DNA2: variants seen among roughly 807,000 people sequenced by gnomAD.
DNA2 encodes DNA replication helicase/nuclease 2.
Under a neutral mutation model 119.1 loss-of-function variants are expected in DNA2, and 101 were observed. The ratio of observed to expected loss-of-function variants is 0.85; its 90% CI spans 0.72 to 1.00. DNA2 has a LOEUF of 1.00. Among genes scored for constraint, DNA2 ranks in the 50% least tolerant of loss-of-function variants. The pLI, the probability that DNA2 is intolerant of heterozygous loss-of-function variation, is 0.00. For missense variants in DNA2, 1,121 were observed against 1,255.5 expected, an observed-to-expected ratio of 0.89 and a Z score of 1.62; for synonymous variants, 366 against 424.4, an observed-to-expected ratio of 0.86 and a Z score of 1.69.
At chr10:68,434,673 G>A (rs1171339080) in intron 10 of DNA2, among the ~76,000 whole-genome samples, 1 of 151,938 alleles carries the variant, frequency 6.6e-6, no homozygotes, top group Non-Finnish European at 1.5e-5. Context: ...AAATATGTAT[G>A]TCTACACGCA....
At chr10:68,424,919 A>C (rs1405902650) in intron 14 of DNA2, 15 of 701,510 alleles carry the variant, frequency 2.1e-5, no homozygotes, top group Non-Finnish European at 4.0e-5. Context: ...AAATTATTGA[A>C]CACAAAGCCA....
chr10:68,472,108 A>G (rs529963062), upstream of DNA2: 19 of 1,511,548 alleles, frequency 1.3e-5, no homozygotes, highest in South Asian at 2.2e-4. Flanking sequence ...GACTGGGAAT[A>G]CAGGGAGTCT....
intron 6 of DNA2, among the ~76,000 whole-genome samples, chr10:68,447,879 G>C (rs1478857844): frequency 1.3e-5 from 2 of 151,626 alleles, no homozygotes; most frequent in African/African-American, 4.8e-5. Flanking sequence ...AGCTACTCGG[G>C]AGGCTGAGGC....
chr10:68,424,995 T>TA, intron 14 of DNA2: 1 of 559,218 alleles, frequency 1.8e-6, no homozygotes, highest in Non-Finnish European at 3.4e-6. Context: ...AATGCAGGAA[T>TA]AAATATAACC....
chr10:68,460,309 A>T (rs1329197070), intron 4 of DNA2, among the ~76,000 whole-genome samples: 1 of 151,922 alleles, frequency 6.6e-6, no homozygotes, highest in Non-Finnish European at 1.5e-5. Context: ...GGGTTTCACC[A>T]TGTTGGCCAG....
At chr10:68,468,359 T>A in intron 2 of DNA2, 53 bp from the exon 3 acceptor site, 3 of 1,223,446 alleles carry the variant, frequency 2.5e-6, no homozygotes, top group Non-Finnish European at 3.2e-6. Context: ...TTCCTACATG[T>A]AAACGTATTA....
Position 68,422,245 on chromosome 10 carries a change from A to G in DNA2, c.2677T>C (p.Cys893Arg). Reference sequence around the variant, plus strand: ...TTTACCTTGTCTGTATTAAGGAAACAAACAGGATTGTTGGGTTCAAATACT... The same window carrying G: ...TTTACCTTGTCTGTATTAAGGAAACGAACAGGATTGTTGGGTTCAAATACT... ...MGVFEPNNPV[C>R]FLNTDKVPAP... Residue 893 changes from cysteine (C) to arginine (R), a missense_variant, in exon 17 of 21, where the codon TGT becomes CGT. Cys to Arg is a radical substitution (Grantham distance 180). Transcript: ENST00000358410. The G allele has an allele frequency of 6.2e-7, 1 of 1,602,830 alleles. No homozygotes were observed. The highest frequency in any genetic ancestry group is 8.5e-7 in the Non-Finnish European group (1 of 1,176,174).
rs199878321 is a variant in DNA2, at chr10:68,450,247, C to A, written c.720G>T (p.Leu240=). ...STDFPQMQLS[L]PSDNSKDNST... ...AATTATCCTTACTATTATCACTTGG[C>A]CTGAAAAAAAAAAAAGCACAAAAAC... Residue 240 remains leucine, a splice_region_variant and synonymous_variant, in exon 6 of 21, where the codon CTG becomes CTT. Coordinates refer to ENST00000358410, the MANE Select transcript of DNA2 (RefSeq NM_001080449.3). The A allele has an allele frequency of 4.3e-4, 672 of 1,553,942 alleles. 8 individuals are homozygous for A. In the African/African-American group the frequency reaches 8.2e-3, roughly 19 times the overall value.
At chr10:68,453,558 T>C (rs138819182) in intron 5 of DNA2, among the ~76,000 whole-genome samples, 129 of 152,310 alleles carry the variant, frequency 8.5e-4, no homozygotes, top group African/African-American at 3.0e-3. Flanking sequence ...TTCGTCAACC[T>C]AGGATAGTGG....
intron 5 of DNA2, among the ~76,000 whole-genome samples, chr10:68,452,935 C>T (rs1358075532): frequency 1.3e-5 from 2 of 149,560 alleles, no homozygotes; most frequent in Non-Finnish European, 1.5e-5. Flanking sequence ...GAATCTCGCT[C>T]TGTCGCAGAG....
At chr10:68,415,971 A>G (rs2051583891) in intron 20 of DNA2, among the ~76,000 whole-genome samples, 1 of 152,128 alleles carries the variant, frequency 6.6e-6, no homozygotes, top group Admixed American at 6.6e-5. Flanking sequence ...TTAAAAAACG[A>G]TTTATCTTAA....
At chr10:68,426,428 C>T (rs2051741956) in intron 14 of DNA2, among the ~76,000 whole-genome samples, 1 of 152,090 alleles carries the variant, frequency 6.6e-6, no homozygotes, top group Non-Finnish European at 1.5e-5. Context: ...GTCCCAGCTA[C>T]TTGAAAGGCT....
At chr10:68,419,680 G>A (rs2051639602) in intron 18 of DNA2, 123 bp downstream of exon 18, 1 of 671,318 alleles carries the variant, frequency 1.5e-6, no homozygotes, top group African/African-American at 1.8e-5. Context: ...TAAAAACAAT[G>A]GGGCTTCAAT....
chr10:68,438,110 A>G (rs2051916195), intron 9 of DNA2, among the ~76,000 whole-genome samples: 1 of 152,178 alleles, frequency 6.6e-6, no homozygotes, highest in Admixed American at 6.6e-5. Flanking sequence ...ATCTCCAAAA[A>G]TGGTGTTTTA....
intron 14 of DNA2, among the ~76,000 whole-genome samples, chr10:68,423,811 C>T (rs1345752870): frequency 1.3e-5 from 2 of 152,220 alleles, no homozygotes; most frequent in African/African-American, 4.8e-5. Flanking sequence ...GAGGAACCTC[C>T]CACTTTGGTC....
At chr10:68,415,223 C>A in intron 20 of DNA2, 116 bp from the exon 21 acceptor site, 1 of 589,854 alleles carries the variant, frequency 1.7e-6, no homozygotes, top group East Asian at 3.0e-5. Context: ...AAATAAGGAT[C>A]TTTATGGCAT....
In DNA2 at chr10:68,427,306, C is replaced by T. The variant is rs533865399; in HGVS notation, c.2208+3130G>A. Among the ~76,000 whole-genome samples, 10 of 151,528 alleles carry T rather than the reference C, an allele frequency of 6.6e-5. 1 individual carries two copies. In the South Asian group the frequency reaches 8.4e-4, roughly 13 times the overall value. Reference sequence around the variant, plus strand: ...CTGGGAGGCAGAGGTTGCAGTAAGCCGAGTTCACACCACTGCACTCCAGCC... The same window carrying T: ...CTGGGAGGCAGAGGTTGCAGTAAGCTGAGTTCACACCACTGCACTCCAGCC... On this transcript the variant is annotated intron_variant, in intron 14 of 20. Coordinates refer to ENST00000358410, the MANE Select transcript of DNA2 (RefSeq NM_001080449.3).
At chr10:68,471,391 T>A (rs780286262) in intron 1 of DNA2, among the ~76,000 whole-genome samples, 4 of 152,206 alleles carry the variant, frequency 2.6e-5, no homozygotes, top group Non-Finnish European at 5.9e-5. Context: ...TGACCGTGGT[T>A]AACTTCCTCT....
intron 14 of DNA2, among the ~76,000 whole-genome samples, chr10:68,429,056 C>T (rs1365947878): frequency 4.6e-5 from 7 of 152,108 alleles, no homozygotes; most frequent in Admixed American, 4.6e-4. Flanking sequence ...AGATATACAT[C>T]TTAGCCAGTT....
Sources: gnomAD v4.1 joint callset for allele counts (sites outside exome capture counted in the v4.1 genomes callset) on GRCh38, gnomAD v4.1.1 for gene constraint, MANE v1.5 for transcripts, NCBI Gene and HGNC (gene_info 2026-07-23, HGNC 2026-07-21) for gene names.